The following RMC1 variants were observed in gnomAD, a reference collection of about 807,000 sequenced individuals.
RMC1 encodes the protein regulator of MON1-CCZ1 complex.
Under a neutral mutation model 95.5 loss-of-function variants are expected in RMC1, and 44 were observed. The observed-to-expected ratio is 0.46, with a 90% confidence interval of 0.36 to 0.59. The LOEUF is 0.59. Among genes scored for constraint, RMC1 ranks in the 20% least tolerant of loss-of-function variants. RMC1 has a pLI of 0.00. For synonymous variants in RMC1, 320 were observed against 303.6 expected, an observed-to-expected ratio of 1.05 and a Z score of -0.56; for missense variants, 705 against 819.6, an observed-to-expected ratio of 0.86 and a Z score of 1.71.
At chr18:23,527,590 T>C (rs2058341772) in intron 13 of RMC1, among the ~76,000 whole-genome samples, 1 of 16,180 alleles carries the variant, frequency 6.2e-5, no homozygotes, top group Non-Finnish European at 1.1e-4. Context: ...CTGCTATAGC[T>C]TTTTTTTTTT....
chr18:23,520,123 C>T (rs1343535578), intron 9 of RMC1, 79 bp from the exon 10 acceptor site: 4 of 1,079,504 alleles, frequency 3.7e-6, no homozygotes, highest in Admixed American at 1.7e-5. Context: ...CTGATTTAAA[C>T]AGCAAGATGG....
chr18:23,518,896 G>T lies in RMC1; in HGVS notation c.660G>T (p.Gly220=). Residue 220 remains glycine, a synonymous_variant, in exon 8 of 20, where the codon GGG becomes GGT. Transcript: ENST00000269221. ...CTGTTTGTTCCCTAATTAGATACGGGCAGCTGTATGTTCTCTTCTTGAGGC... is the reference window on the plus strand; with the variant it reads ...CTGTTTGTTCCCTAATTAGATACGGTCAGCTGTATGTTCTCTTCTTGAGGC... ...ERDIAMATIY[G]QLYVLFLRHH... 1 of 1,614,016 alleles carries T rather than the reference G, an allele frequency of 6.2e-7. No individual in the cohort carries two copies. The highest frequency in any genetic ancestry group is 8.5e-7 in the Non-Finnish European group (1 of 1,179,908).
intron 13 of RMC1, among the ~76,000 whole-genome samples, chr18:23,527,057 A>C (rs1011762539): frequency 2.2e-4 from 33 of 152,046 alleles, no homozygotes; most frequent in African/African-American, 8.0e-4. Flanking sequence ...TTCAAAATCC[A>C]AGCCACTCAC....
At chr18:23,524,535 G>A in intron 12 of RMC1, 53 bp downstream of exon 12, 1 of 1,579,512 alleles carries the variant, frequency 6.3e-7, no homozygotes, top group African/African-American at 1.3e-5. Context: ...GTTGACTTTG[G>A]ATCCCAGTTG....
chr18:23,515,796 G>C, intron 5 of RMC1, 60 bp from the exon 6 acceptor site: 2 of 1,603,794 alleles, frequency 1.2e-6, no homozygotes, highest in Non-Finnish European at 1.7e-6. Flanking sequence ...GCCTCCCAAA[G>C]TGCTGGGATT....
At position 23,529,756 on chromosome 18, in the gene RMC1, T is replaced by TA. The variant is rs199522028; in HGVS notation, c.1494+54dup. 10,197 of 1,390,332 alleles carry TA rather than the reference T, an allele frequency of 7.3e-3. 69 individuals are homozygous for TA. Among genetic ancestry groups the TA allele is most frequent in the African/African-American group, 0.053 (3,648 of 68,842 alleles). The allele number at this position is 1,390,332 out of a possible 1,614,324, so 86.1% of individuals were successfully genotyped here. On this transcript the variant is annotated intron_variant, in intron 16 of 19. Transcript: ENST00000269221. ...GGCCCAAGTTAAAACAGAAGGAATT[T>TA]AAAAAAAAAACACAGTCACTGTCTT...
intron 10 of RMC1, 66 bp from the exon 11 acceptor site, chr18:23,524,064 C>A: frequency 6.6e-7 from 1 of 1,504,808 alleles, no homozygotes; most frequent in South Asian, 1.1e-5. Context: ...ACTTTTGTGT[C>A]ATAAGTACCA....
intron 10 of RMC1, among the ~76,000 whole-genome samples, chr18:23,520,759 A>G (rs1021364587): frequency 6.6e-6 from 1 of 152,046 alleles, no homozygotes; most frequent in Non-Finnish European, 1.5e-5. Flanking sequence ...TGAGGTATTC[A>G]AGCAATTGAA....
intron 5 of RMC1, among the ~76,000 whole-genome samples, chr18:23,510,151 C>T (rs1259710541): frequency 2.6e-5 from 4 of 151,176 alleles, no homozygotes; most frequent in African/African-American, 9.7e-5. Flanking sequence ...GATGAAATCC[C>T]ATCTCTATAA....
Position 23,520,427 on chromosome 18 carries a change from C to G in RMC1, c.961+114C>G, listed in dbSNP as rs550762560. ...GGAGTGAGGAATAAACAGAGATTCC[C>G]AGATCTGTCTGATTTTGCCAGGGGC... On this transcript the variant is annotated intron_variant, in intron 10 of 19. Transcript: ENST00000269221. 6.8e-6 allele frequency: 6 copies of G among 877,316 alleles called. No individual in the cohort carries two copies. The South Asian group carries it at 1.0e-4, about 15-fold the overall frequency. The allele number at this position is 877,316 out of a possible 1,614,324, so 54.3% of individuals were successfully genotyped here.
At chr18:23,515,535 T>G (rs921569859) in intron 5 of RMC1, among the ~76,000 whole-genome samples, 17 of 152,216 alleles carry the variant, frequency 1.1e-4, no homozygotes, top group African/African-American at 3.9e-4. Flanking sequence ...GTTATTGATT[T>G]ATTTATTAAT....
chr18:23,503,527 C>G lies in RMC1; in HGVS notation c.-92C>G, dbSNP rs976940398. 30 of 835,544 alleles carry G rather than the reference C, an allele frequency of 3.6e-5. No homozygotes were observed. The highest frequency in any genetic ancestry group is 4.4e-5 in the Non-Finnish European group (27 of 613,630). 51.8% of individuals were successfully genotyped at this position (835,544 alleles called of 1,614,324 possible). ...GCCGGGCCCAGAGCCGCAGCCGCAG[C>G]CGCCGCTACAGTCCGGGCCGGGCTC... On this transcript the variant is annotated 5_prime_UTR_variant, in exon 1 of 20. Coordinates refer to ENST00000269221, the MANE Select transcript of RMC1 (RefSeq NM_013326.5).
chr18:23,530,307 A>G lies in RMC1; in HGVS notation c.1668+10A>G, dbSNP rs2058452466. On this transcript the variant is annotated intron_variant, in intron 18 of 19. Transcript: ENST00000269221. ...TCTGGACATGCTGAAGGTAACTCTG[A>G]TGTGTGAGGTTTTAGACTATGGAAA... 1 of 1,614,170 alleles carries G rather than the reference A, an allele frequency of 6.2e-7. No homozygotes were observed.
At chr18:23,524,322 G>A (rs572406475) in intron 11 of RMC1, 107 bp from the exon 12 acceptor site, 603 of 1,494,128 alleles carry the variant, frequency 4.0e-4, no homozygotes, top group Admixed American at 5.8e-4. Flanking sequence ...GGGGCCTCGC[G>A]TTTAGCGTGG....
intron 10 of RMC1, among the ~76,000 whole-genome samples, chr18:23,523,852 A>C (rs531923008): frequency 6.6e-6 from 1 of 152,216 alleles, no homozygotes; most frequent in East Asian, 1.9e-4. Flanking sequence ...GTAAACGATC[A>C]TGAGTCATCT....
intron 7 of RMC1, among the ~76,000 whole-genome samples, chr18:23,517,205 A>G (rs1441015431): frequency 1.3e-5 from 2 of 151,462 alleles, no homozygotes; most frequent in Non-Finnish European, 2.9e-5. Context: ...GCTGGAGTAC[A>G]GTGGCACGAT....
At chr18:23,529,483 CG>C in intron 15 of RMC1, 151 bp from the exon 16 acceptor site, 1 of 1,243,874 alleles carries the variant, frequency 8.0e-7, no homozygotes, top group Admixed American at 2.3e-5. Context: ...TAATTGTTGA[CG>C]GGTGGTTCTG....
chr18:23,508,268 C>T (rs930594153), intron 4 of RMC1, among the ~76,000 whole-genome samples: 4 of 152,112 alleles, frequency 2.6e-5, no homozygotes, highest in Admixed American at 2.6e-4. Flanking sequence ...ATGGATGATG[C>T]GTGGTGAACA....
intron 6 of RMC1, 52 bp from the exon 7 acceptor site, chr18:23,516,268 A>T: frequency 6.3e-7 from 1 of 1,577,794 alleles, no homozygotes; most frequent in Non-Finnish European, 8.7e-7. Context: ...GGAATGATGA[A>T]ACATTGAAGG....
Sources: allele counts gnomAD v4.1 joint callset (sites outside exome capture counted in the v4.1 genomes callset), GRCh38; gene constraint gnomAD v4.1.1; transcripts MANE v1.5; gene names NCBI Gene and HGNC (gene_info 2026-07-23, HGNC 2026-07-21).